The following CNTN4 variants were observed in gnomAD, a reference collection of about 807,000 sequenced individuals.
CNTN4 encodes the protein contactin-4.
In CNTN4, 77 loss-of-function variants were observed where a neutral mutation model predicts 122.5. The observed-to-expected ratio is 0.63, with a 90% CI of 0.52 to 0.76. CNTN4 has a LOEUF of 0.76. CNTN4 is among the 30% of genes least tolerant of loss of function. The pLI is 0.00. For synonymous variants in CNTN4, 512 were observed against 447.0 expected (o/e 1.15, Z -1.83); for missense variants, 1,256 against 1,259.1 (o/e 1.00, Z 0.04).
intron 2 of CNTN4, among the ~76,000 whole-genome samples, chr3:2,222,713 G>A (rs1055294083): frequency 1.3e-5 from 2 of 151,888 alleles, no homozygotes; most frequent in East Asian, 3.9e-4. Context: ...TCAGATTCAG[G>A]CTCCCTAGTA....
intron 4 of CNTN4, among the ~76,000 whole-genome samples, chr3:2,627,102 G>A (rs765352267): frequency 2.6e-5 from 4 of 152,192 alleles, no homozygotes; most frequent in Non-Finnish European, 5.9e-5. Flanking sequence ...TGGTTTGGCT[G>A]AAGTTGGGAG....
At chr3:2,296,427 C>A (rs780732062) in intron 2 of CNTN4, among the ~76,000 whole-genome samples, 1 of 151,950 alleles carries the variant, frequency 6.6e-6, no homozygotes, top group South Asian at 2.1e-4. Flanking sequence ...GTATTTTATT[C>A]TCTTTGAAGC....
chr3:2,164,968 G>T lies in CNTN4; in HGVS notation c.-145+64329G>T, dbSNP rs113460860. On this transcript the variant is annotated intron_variant, in intron 2 of 24. Coordinates refer to ENST00000418658, the MANE Select transcript of CNTN4 (RefSeq NM_175607.3). ...CAAATAGGTCACAATATGAGAAGGG[G>T]TGCAAGATATATGGGTCACAAATGC... Among the ~76,000 whole-genome samples, 1,106 of 152,204 alleles carry T rather than the reference G, an allele frequency of 7.3e-3. 12 individuals are homozygous for T. The highest frequency in any genetic ancestry group is 0.026 in the African/African-American group (1,061 of 41,500).
chr3:2,648,348 G>A (rs563634508), intron 4 of CNTN4, among the ~76,000 whole-genome samples: 1 of 152,204 alleles, frequency 6.6e-6, no homozygotes, highest in African/African-American at 2.4e-5. Context: ...CTGAAGGTTT[G>A]TGCCAACACT....
chr3:2,267,020 A>G (rs534184044), intron 2 of CNTN4, among the ~76,000 whole-genome samples: 5 of 152,222 alleles, frequency 3.3e-5, no homozygotes, highest in South Asian at 2.1e-4. Flanking sequence ...ATTTTTTGGC[A>G]TAGTTATGTC....
intron 13 of CNTN4, among the ~76,000 whole-genome samples, chr3:2,986,436 A>C (rs1250556027): frequency 6.6e-6 from 1 of 152,200 alleles, no homozygotes; most frequent in Non-Finnish European, 1.5e-5. Context: ...GTGAACTCCC[A>C]TCCCTCTGAT....
chr3:2,396,029 T>C (rs1410976962), intron 3 of CNTN4, among the ~76,000 whole-genome samples: 1 of 151,628 alleles, frequency 6.6e-6, no homozygotes, highest in Non-Finnish European at 1.5e-5. Flanking sequence ...CTTATGGGGC[T>C]GTTTGTTGTT....
chr3:2,575,797 TTTCTTC>T (rs1240897898), intron 4 of CNTN4, among the ~76,000 whole-genome samples: 14 of 129,302 alleles, frequency 1.1e-4, no homozygotes, highest in South Asian at 2.8e-4. Flanking sequence ...TATATTTTGC[TTTCTTC>T]TTCTTCTTTT....
At chr3:2,966,509 A>C (rs1692324931) in intron 13 of CNTN4, among the ~76,000 whole-genome samples, 1 of 152,228 alleles carries the variant, frequency 6.6e-6, no homozygotes, top group South Asian at 2.1e-4. Flanking sequence ...GGTGATAGTT[A>C]ATGGATACGA....
At chr3:2,890,650 A>G (rs1483656121) in intron 10 of CNTN4, among the ~76,000 whole-genome samples, 2 of 152,190 alleles carry the variant, frequency 1.3e-5, no homozygotes, top group African/African-American at 2.4e-5. Context: ...TCAAAAGCCT[A>G]CTAGGCATGA....
At chr3:2,438,284 C>T (rs554056020) in intron 3 of CNTN4, among the ~76,000 whole-genome samples, 13 of 152,276 alleles carry the variant, frequency 8.5e-5, no homozygotes, top group African/African-American at 1.7e-4. Flanking sequence ...CTTTGGGAGG[C>T]CGAGGCAGGC....
In CNTN4 at chr3:3,035,473, T is replaced by C. The variant is rs374008423; in HGVS notation, c.1942+683T>C. Among the ~76,000 whole-genome samples the C allele has an allele frequency of 1.1e-4, 17 of 152,322 alleles. No individual in the cohort carries two copies. In the East Asian group the frequency reaches 1.9e-3, roughly 17 times the overall value. On this transcript the variant is annotated intron_variant, in intron 17 of 24. Coordinates refer to ENST00000418658, the MANE Select transcript of CNTN4 (RefSeq NM_175607.3). The stretch of plus-strand genomic sequence containing the variant: ...GAAAGCAGCGGATTCTGCCTGACTA[T>C]AGTCACTTAATAGTCACAGACTTCA...
chr3:2,941,673 C>G (rs12493827), intron 13 of CNTN4, among the ~76,000 whole-genome samples: 117,624 of 152,008 alleles, frequency 0.77, 45,800 homozygotes, highest in Middle Eastern at 0.91. Context: ...AGCCCCGACG[C>G]GTCGCTCTGC....
intron 2 of CNTN4, among the ~76,000 whole-genome samples, chr3:2,104,837 A>G (rs1237793234): frequency 6.6e-6 from 1 of 152,198 alleles, no homozygotes; most frequent in Non-Finnish European, 1.5e-5. Flanking sequence ...TTCTCTAGGT[A>G]TGGGGAAAAG....
intron 4 of CNTN4, among the ~76,000 whole-genome samples, chr3:2,686,332 G>C (rs1001257836): frequency 1.3e-5 from 2 of 152,012 alleles, no homozygotes; most frequent in African/African-American, 2.4e-5. Context: ...TAAGCCCAGT[G>C]CTTCTAACAG....
chr3:2,930,490 G>T (rs1056916320), intron 13 of CNTN4, among the ~76,000 whole-genome samples: 2 of 152,128 alleles, frequency 1.3e-5, no homozygotes, highest in African/African-American at 2.4e-5. Flanking sequence ...ACTTTTCACC[G>T]AAGCCAAATA....
chr3:2,574,148 G>A (rs1326260234), intron 4 of CNTN4, among the ~76,000 whole-genome samples: 3 of 152,134 alleles, frequency 2.0e-5, no homozygotes, highest in East Asian at 1.9e-4. Flanking sequence ...CCTGGGAGGC[G>A]GAGGTTGCGG....
At position 3,055,109 on chromosome 3, in the gene CNTN4, G is replaced by C. The variant is rs571761379; in HGVS notation, c.2981-1011G>C. Among the ~76,000 whole-genome samples, 4 of 152,160 alleles carry C rather than the reference G, an allele frequency of 2.6e-5. No individual in the cohort carries two copies. The East Asian group carries it at 7.7e-4, about 29-fold the overall frequency. Reference sequence around the variant, plus strand: ...AGTTTATATTTACTGCATCTTTTTTGCATACAAACACAAAAGGCATTTTTG... The same window carrying C: ...AGTTTATATTTACTGCATCTTTTTTCCATACAAACACAAAAGGCATTTTTG... On this transcript the variant is annotated intron_variant, in intron 24 of 24. Transcript: ENST00000418658.
intron 4 of CNTN4, among the ~76,000 whole-genome samples, chr3:2,665,195 G>T (rs772524346): frequency 6.6e-6 from 1 of 152,182 alleles, no homozygotes; most frequent in Non-Finnish European, 1.5e-5. Flanking sequence ...TACTAATTCA[G>T]ATGGTCTTGC....
Sources: allele counts gnomAD v4.1 joint callset (sites outside exome capture counted in the v4.1 genomes callset), GRCh38; gene constraint gnomAD v4.1.1; transcripts MANE v1.5; gene names NCBI Gene and HGNC (gene_info 2026-07-23, HGNC 2026-07-21).